The following AAK1 variants were observed in gnomAD, a reference collection of about 807,000 sequenced individuals.
AAK1 encodes AP2 associated kinase 1.
Under a neutral mutation model 116.0 loss-of-function variants are expected in AAK1, and 37 were observed. The ratio of observed to expected loss-of-function variants is 0.32; its 90% CI spans 0.25 to 0.42. AAK1 has a LOEUF of 0.42. Among genes scored for constraint, AAK1 ranks in the 10% least tolerant of loss-of-function variants. AAK1 has a pLI of 1.00. For missense variants in AAK1, 919 were observed against 1,170.6 expected, an observed-to-expected ratio of 0.79 and a Z score of 3.14; for synonymous variants, 458 against 439.9, an observed-to-expected ratio of 1.04 and a Z score of -0.51.
intron 2 of AAK1, among the ~76,000 whole-genome samples, chr2:69,628,436 G>A (rs769448710): frequency 6.6e-6 from 1 of 152,026 alleles, no homozygotes; most frequent in Non-Finnish European, 1.5e-5. Flanking sequence ...AAGATCACCC[G>A]GTGATCTCCT....
At chr2:69,583,018 C>T (rs1187717308) in intron 2 of AAK1, among the ~76,000 whole-genome samples, 4 of 152,170 alleles carry the variant, frequency 2.6e-5, no homozygotes, top group Non-Finnish European at 4.4e-5. Flanking sequence ...TAAAACTCCA[C>T]GTGAGAGATA....
rs1014209217 is a variant in AAK1, at chr2:69,471,757, T to C, written c.*4112A>G. Reference sequence around the variant, plus strand: ...GCTGAGTGCAGATCCCTCCACATCATAGGCTGTCAGCCCCAAAGATCCCTT... The same window carrying C: ...GCTGAGTGCAGATCCCTCCACATCACAGGCTGTCAGCCCCAAAGATCCCTT... On this transcript the variant is annotated 3_prime_UTR_variant, in exon 22 of 22. Coordinates refer to ENST00000409085, the MANE Select transcript of AAK1 (RefSeq NM_014911.5). 1.6e-5 allele frequency: 16 copies of C among 985,328 alleles called. No homozygotes were observed. The highest frequency in any genetic ancestry group is 5.2e-5 in the African/African-American group (3 of 57,246). The allele number at this position is 985,328 out of a possible 1,614,324, so 61.0% of individuals were successfully genotyped here.
intron 6 of AAK1, 50 bp downstream of exon 6, chr2:69,531,991 G>A (rs1670279151): frequency 1.2e-6 from 2 of 1,606,024 alleles, no homozygotes; most frequent in African/African-American, 2.7e-5. Context: ...TGAAGGTAAA[G>A]TTGCTCATCT....
At chr2:69,595,395 C>T (rs183424489) in intron 2 of AAK1, among the ~76,000 whole-genome samples, 22 of 152,334 alleles carry the variant, frequency 1.4e-4, no homozygotes, top group Non-Finnish European at 2.9e-4. Flanking sequence ...GGATTACAGG[C>T]GTGAGCCACT....
Position 69,463,849 on chromosome 2 carries a change from T to A in AAK1, c.*12020A>T, listed in dbSNP as rs1320240187. ...ATTTTTTGAAGGGACAGGGTCTCGC[T>A]GTGTTGCCAGAGTTGGTCTTGAACT... On this transcript the variant is annotated 3_prime_UTR_variant, in exon 22 of 22. Transcript: ENST00000409085. The A allele has an allele frequency of 6.6e-6, 1 of 152,236 alleles. No homozygotes were observed. Among genetic ancestry groups the A allele is most frequent in the Non-Finnish European group, 1.5e-5 (1 of 68,060 alleles). 9.4% of individuals were successfully genotyped at this position (152,236 alleles called of 1,614,324 possible).
At chr2:69,603,726 C>A (rs560540242) in intron 2 of AAK1, among the ~76,000 whole-genome samples, 1 of 150,684 alleles carries the variant, frequency 6.6e-6, no homozygotes, top group Admixed American at 6.6e-5. Flanking sequence ...TAAGGAGATA[C>A]TGTGCAGAAT....
chr2:69,530,413 T>C (rs1424236379), intron 7 of AAK1, among the ~76,000 whole-genome samples: 1 of 152,236 alleles, frequency 6.6e-6, no homozygotes, highest in Non-Finnish European at 1.5e-5. Flanking sequence ...AAAAAAAATC[T>C]AAATAATTTT....
chr2:69,622,428 G>T (rs1479747776), intron 2 of AAK1, among the ~76,000 whole-genome samples: 1 of 152,244 alleles, frequency 6.6e-6, no homozygotes, highest in African/African-American at 2.4e-5. Flanking sequence ...GAGTGCAGGT[G>T]CACGGCACGG....
rs550970794 is a variant in AAK1 at position 69,466,191 on chromosome 2, T to C, written c.*9678A>G. On this transcript the variant is annotated 3_prime_UTR_variant, in exon 22 of 22. Transcript: ENST00000409085. ...TTGAAACTGGTTCTTTCTTCCACCT[T>C]GCACTGTCTTTGCTTGCTCAGGAGA... 2.6e-4 allele frequency: 337 copies of C among 1,289,882 alleles called. 4 individuals are homozygous for C. The South Asian group carries it at 4.0e-3, about 15-fold the overall frequency. 79.9% of individuals were successfully genotyped at this position (1,289,882 alleles called of 1,614,324 possible).
chr2:69,472,732 CAT>C lies in AAK1; in HGVS notation c.*3135_*3136del. ...AGCTGGAATAAAAGCAAATCAGAAA[CAT>C]ATGCTTATAGTATTTGCCCGTTTTA... On this transcript the variant is annotated 3_prime_UTR_variant, in exon 22 of 22. Transcript: ENST00000409085. 10 of 985,400 alleles carry C rather than the reference CAT, an allele frequency of 1.0e-5. No homozygotes were observed. Among genetic ancestry groups the C allele is most frequent in the Non-Finnish European group, 1.2e-5 (10 of 829,918 alleles). 61.0% of individuals were successfully genotyped at this position (985,400 alleles called of 1,614,324 possible). A position where few individuals can be genotyped will look rare whatever the true frequency, so the allele number is the denominator to read the frequency against.
chr2:69,628,843 G>A (rs762938331), intron 2 of AAK1, among the ~76,000 whole-genome samples: 6 of 152,010 alleles, frequency 3.9e-5, no homozygotes, highest in African/African-American at 7.2e-5. Context: ...AAACCACCAC[G>A]CAGAATTTGC....
intron 17 of AAK1, among the ~76,000 whole-genome samples, chr2:69,485,898 A>T (rs771269268): frequency 9.9e-5 from 15 of 151,290 alleles, no homozygotes; most frequent in Non-Finnish European, 1.6e-4. Flanking sequence ...ACCTCAGGTG[A>T]TCCACCCACC....
In AAK1 at chr2:69,514,756, A is replaced by C; in HGVS notation, c.1498-7T>G. On this transcript the variant is annotated splice_polypyrimidine_tract_variant and splice_region_variant and intron_variant, in intron 12 of 21. Transcript: ENST00000409085. ...CTGGATGTACTGCCTGAAACTGAGC[A>C]AGAAATGAGGAGATGAATAAGGGCC... 6.4e-7 allele frequency: 1 copy of C among 1,574,568 alleles called. No homozygotes were observed. Among genetic ancestry groups the C allele is most frequent in the South Asian group, 1.2e-5 (1 of 84,296 alleles).
intron 2 of AAK1, among the ~76,000 whole-genome samples, chr2:69,582,266 C>A (rs1281238234): frequency 6.6e-6 from 1 of 152,152 alleles, no homozygotes; most frequent in Non-Finnish European, 1.5e-5. Context: ...GTCCCAGGAT[C>A]AGGACATATT....
intron 2 of AAK1, among the ~76,000 whole-genome samples, chr2:69,597,150 T>C (rs968685359): frequency 1.3e-5 from 2 of 152,168 alleles, no homozygotes; most frequent in South Asian, 2.1e-4. Flanking sequence ...CAGGTGTGTG[T>C]TTTATAAGGC....
intron 2 of AAK1, among the ~76,000 whole-genome samples, chr2:69,558,288 G>A (rs1192499176): frequency 6.6e-6 from 1 of 150,576 alleles, no homozygotes; most frequent in Non-Finnish European, 1.5e-5. Flanking sequence ...AGGTTGCAGT[G>A]AGCTGTGACT....
In AAK1 at chr2:69,464,038, A is replaced by C. The variant is rs1674410480; in HGVS notation, c.*11831T>G. ...TCCAGAAATAAAAGACAATTTTAAA[A>C]AACATCAGTTAACCTGTCTGGCCTA... On this transcript the variant is annotated 3_prime_UTR_variant, in exon 22 of 22. Coordinates refer to ENST00000409085, the MANE Select transcript of AAK1 (RefSeq NM_014911.5). 6.6e-6 allele frequency: 1 copy of C among 152,662 alleles called. No individual in the cohort carries two copies. The highest frequency in any genetic ancestry group is 1.5e-5 in the Non-Finnish European group (1 of 68,038). The allele number at this position is 152,662 out of a possible 1,614,324, so 9.5% of individuals were successfully genotyped here. A position where few individuals can be genotyped will look rare whatever the true frequency, so the allele number is the denominator to read the frequency against.
At chr2:69,542,153 A>G (rs986640618) in intron 5 of AAK1, among the ~76,000 whole-genome samples, 4 of 152,230 alleles carry the variant, frequency 2.6e-5, no homozygotes, top group African/African-American at 9.6e-5. Context: ...AAAAAAATCA[A>G]TTAGTTGATT....
At chr2:69,482,104 C>T (rs1675111577) in intron 18 of AAK1, 1 of 154,824 alleles carries the variant, frequency 6.5e-6, no homozygotes, top group Non-Finnish European at 1.4e-5. Flanking sequence ...GTAATCCCAG[C>T]ACTTTGGGAG....
Sources: gnomAD v4.1 joint callset for allele counts (sites outside exome capture counted in the v4.1 genomes callset) on GRCh38, gnomAD v4.1.1 for gene constraint, MANE v1.5 for transcripts, NCBI Gene and HGNC (gene_info 2026-07-23, HGNC 2026-07-21) for gene names.